TWIST2: variants seen among roughly 807,000 people sequenced by gnomAD.
The protein encoded by TWIST2 is twist family bHLH transcription factor 2, also known as twist-related protein 2.
In TWIST2, 1 loss-of-function variant was observed where a neutral mutation model predicts 11.6. The ratio of observed to expected loss-of-function variants is 0.09; its 90% CI spans 0.03 to 0.41. The LOEUF (loss-of-function observed/expected upper bound fraction) is 0.41, where lower values mean the gene tolerates loss of function less well. Ranked by LOEUF, TWIST2 falls within the 10% of genes least tolerant of loss-of-function variation. TWIST2 has a pLI of 0.98. For missense variants in TWIST2, 168 were observed against 226.4 expected (o/e 0.74, Z 1.66); for synonymous variants, 87 against 96.6 (o/e 0.90, Z 0.58).
chr2:238,885,594 A>G (rs570733830), intron 1 of TWIST2, among the ~76,000 whole-genome samples: 3 of 152,134 alleles, frequency 2.0e-5, no homozygotes, highest in Non-Finnish European at 4.4e-5. Context: ...TCCAGGTGCC[A>G]TTGAGAGTGA....
intron 1 of TWIST2, among the ~76,000 whole-genome samples, chr2:238,865,887 C>A (rs1218974155): frequency 1.3e-5 from 2 of 152,128 alleles, no homozygotes; most frequent in African/African-American, 2.4e-5. Flanking sequence ...CTGTGATGAA[C>A]CCTTTCCAGT....
At chr2:238,860,783 C>G (rs1692417638) in intron 1 of TWIST2, among the ~76,000 whole-genome samples, 1 of 152,154 alleles carries the variant, frequency 6.6e-6, no homozygotes, top group Non-Finnish European at 1.5e-5. Context: ...ACCAAAAATA[C>G]AAAAATTAGC....
At chr2:238,858,287 T>C (rs1692366076) in intron 1 of TWIST2, among the ~76,000 whole-genome samples, 1 of 152,204 alleles carries the variant, frequency 6.6e-6, no homozygotes, top group Non-Finnish European at 1.5e-5. Flanking sequence ...TTTAAATGCT[T>C]GTGACTATAC....
chr2:238,906,409 G>A (rs1376361267), intron 1 of TWIST2, among the ~76,000 whole-genome samples: 1 of 150,832 alleles, frequency 6.6e-6, no homozygotes, highest in Non-Finnish European at 1.5e-5. Flanking sequence ...CACTTCCACG[G>A]GAAAACACAT....
At position 238,883,906 on chromosome 2, in the gene TWIST2, C is replaced by T. The variant is rs564858555; in HGVS notation, c.*36-25936C>T. 1.3e-3 allele frequency among the ~76,000 whole-genome samples: 191 copies of T among 152,310 alleles called. No individual in the cohort carries two copies. The South Asian group carries it at 0.013, about 11-fold the overall frequency. On this transcript the variant is annotated intron_variant, in intron 1 of 1. Coordinates refer to ENST00000612363, the MANE Select transcript of TWIST2 (RefSeq NM_001271893.4). ...TCAGTAATTCATGGCCGATCAGAGTCGCTGGGTGAAGCCGGAGTCGTGAGC... is the reference window on the plus strand; with the variant it reads ...TCAGTAATTCATGGCCGATCAGAGTTGCTGGGTGAAGCCGGAGTCGTGAGC...
intron 1 of TWIST2, among the ~76,000 whole-genome samples, chr2:238,878,795 C>T (rs955418906): frequency 6.6e-6 from 1 of 152,172 alleles, no homozygotes; most frequent in African/African-American, 2.4e-5. Flanking sequence ...AGGAGGCTGT[C>T]CCAGCAGTGG....
At chr2:238,881,496 T>C (rs1559278961) in intron 1 of TWIST2, among the ~76,000 whole-genome samples, 2 of 152,052 alleles carry the variant, frequency 1.3e-5, no homozygotes. Context: ...AGTGTGTTAG[T>C]ATTAATGTTG....
At chr2:238,875,235 CT>C (rs893292515) in intron 1 of TWIST2, among the ~76,000 whole-genome samples, 4 of 151,982 alleles carry the variant, frequency 2.6e-5, no homozygotes, top group African/African-American at 9.7e-5. Flanking sequence ...GGACCCAGCT[CT>C]TTTCTTTTCT....
chr2:238,876,944 T>G (rs1307610412), intron 1 of TWIST2, among the ~76,000 whole-genome samples: 1 of 152,182 alleles, frequency 6.6e-6, no homozygotes, highest in Non-Finnish European at 1.5e-5. Flanking sequence ...TAAGCTATCA[T>G]AAAGAGATTC....
rs563407349 is a variant in TWIST2, at chr2:238,866,967, C to G, written c.*35+18234C>G. ...GGGTCATGGAGGGAGCCTCTGTTTC[C>G]CCACCAAGTACACCAAGAAACTACA... is the stretch of plus-strand genomic sequence containing the variant. On this transcript the variant is annotated intron_variant, in intron 1 of 1. Coordinates refer to ENST00000612363, the MANE Select transcript of TWIST2 (RefSeq NM_001271893.4). The surrounding 1 kb of genome is among the most constrained non-coding windows in gnomAD (Gnocchi z 4.9). Among the ~76,000 whole-genome samples the G allele has an allele frequency of 5.9e-5, 9 of 152,264 alleles. No individual in the cohort carries two copies. The highest frequency in any genetic ancestry group is 2.1e-4 in the South Asian group (1 of 4,818).
intron 1 of TWIST2, among the ~76,000 whole-genome samples, chr2:238,898,740 C>A (rs1051053571): frequency 0.02 from 3,052 of 152,330 alleles, 92 homozygotes; most frequent in African/African-American, 0.07. Context: ...GTGCTAAGGG[C>A]TTTGAGGCTT....
chr2:238,884,093 C>A lies in TWIST2; in HGVS notation c.*36-25749C>A, dbSNP rs892293083. On this transcript the variant is annotated intron_variant, in intron 1 of 1. Transcript: ENST00000612363. Reference sequence around the variant, plus strand: ...CGGAAATCTGTCCTCAAAGTTCAGCCCCTCCACAGAAGGCACCCCGAGTGC... The same window carrying A: ...CGGAAATCTGTCCTCAAAGTTCAGCACCTCCACAGAAGGCACCCCGAGTGC... Among the ~76,000 whole-genome samples the A allele has an allele frequency of 5.9e-5, 9 of 152,316 alleles. No individual in the cohort carries two copies. In the East Asian group the frequency reaches 1.7e-3, roughly 29 times the overall value.
chr2:238,859,810 C>T (rs552431410), intron 1 of TWIST2, among the ~76,000 whole-genome samples: 2 of 152,198 alleles, frequency 1.3e-5, no homozygotes, highest in Non-Finnish European at 2.9e-5. Context: ...TGCACGCACA[C>T]GTGTGTCAAA....
chr2:238,870,177 CACACACACATCACATA>C (rs1692629135), intron 1 of TWIST2, among the ~76,000 whole-genome samples: 1 of 63,498 alleles, frequency 1.6e-5, no homozygotes, highest in Non-Finnish European at 3.2e-5. Flanking sequence ...CCACACACCC[CACACACACATCACATA>C]CCACACACAA....
intron 1 of TWIST2, among the ~76,000 whole-genome samples, chr2:238,868,794 G>A (rs577370360): frequency 7.9e-4 from 121 of 152,356 alleles, no homozygotes; most frequent in African/African-American, 2.7e-3. Flanking sequence ...TGGTAGGGCC[G>A]GGACACAAGC....
chr2:238,875,040 C>G (rs973987587), intron 1 of TWIST2, among the ~76,000 whole-genome samples: 1 of 152,106 alleles, frequency 6.6e-6, no homozygotes, highest in African/African-American at 2.4e-5. Flanking sequence ...GGAAGGACAG[C>G]AGAGCAGGCA....
chr2:238,881,759 C>G (rs369001323), intron 1 of TWIST2, among the ~76,000 whole-genome samples: 15 of 152,258 alleles, frequency 9.9e-5, no homozygotes, highest in Admixed American at 2.6e-4. Context: ...CAAGTCCCAG[C>G]AGGAATGCTG....
At chr2:238,852,369 G>A (rs1485153648) in intron 1 of TWIST2, among the ~76,000 whole-genome samples, 2 of 152,134 alleles carry the variant, frequency 1.3e-5, no homozygotes, top group African/African-American at 4.8e-5. Flanking sequence ...TTATGTTTGT[G>A]TCTTTTCCTG....
At position 238,910,012 on chromosome 2, in the gene TWIST2, G is replaced by C. The variant is rs2106377734; in HGVS notation, c.*206G>C. 1 of 152,236 alleles carries C rather than the reference G, an allele frequency of 6.6e-6. No individual in the cohort carries two copies. The highest frequency in any genetic ancestry group is 2.4e-5 in the African/African-American group (1 of 41,536). The allele number at this position is 152,236 out of a possible 1,614,324, so 9.4% of individuals were successfully genotyped here. On this transcript the variant is annotated 3_prime_UTR_variant, in exon 2 of 2. Coordinates refer to ENST00000612363, the MANE Select transcript of TWIST2 (RefSeq NM_001271893.4). ...CGGGCTCCCGTCCTCCCCCAGGACG[G>C]TCCCCACATAGGAAGGGCACTCCCA...
Sources: gnomAD v4.1 joint callset for allele counts (sites outside exome capture counted in the v4.1 genomes callset) on GRCh38, gnomAD v4.1.1 for gene constraint, Gnocchi (gnomAD v3.1) non-coding constraint, MANE v1.5 for transcripts, NCBI Gene and HGNC (gene_info 2026-07-23, HGNC 2026-07-21) for gene names.